Variants in TRIM24 observed in about 807,000 individuals in gnomAD.
The protein encoded by TRIM24 is tripartite motif containing 24, also known as transcription intermediary factor 1-alpha.
TRIM24 carries 29 observed loss-of-function variants against 123.9 expected under a neutral mutation model. The observed-to-expected ratio is 0.23, with a 90% CI of 0.17 to 0.32. The LOEUF is 0.32. TRIM24 is among the 10% of genes least tolerant of loss of function. The probability of loss-of-function intolerance (pLI) is 1.00; values close to 1 mark genes in which losing one functional copy is unlikely to be tolerated. For missense variants in TRIM24, 932 were observed against 1,295.3 expected (o/e 0.72, Z 4.31); for synonymous variants, 456 against 461.1 (o/e 0.99, Z 0.14).
At chr7:138,523,704 T>C (rs1054555548) in intron 4 of TRIM24, among the ~76,000 whole-genome samples, 1 of 122,272 alleles carries the variant, frequency 8.2e-6, no homozygotes, top group Non-Finnish European at 1.6e-5. Context: ...TGAGCCGAGA[T>C]GGGGCCACTG....
Position 138,544,011 on chromosome 7 carries a change from G to A in TRIM24, c.1143+5208G>A, listed in dbSNP as rs565333701. Among the ~76,000 whole-genome samples, 9 of 149,984 alleles carry A rather than the reference G, an allele frequency of 6.0e-5. No homozygotes were observed. In the South Asian group the frequency reaches 1.7e-3, roughly 28 times the overall value. ...CACCATAGTCCAGATTTTTTTTTTTGTAGAGACAAGGTCTTGTTCTGTCAC... is the reference window on the plus strand; with the variant it reads ...CACCATAGTCCAGATTTTTTTTTTTATAGAGACAAGGTCTTGTTCTGTCAC... On this transcript the variant is annotated intron_variant, in intron 7 of 18. Coordinates refer to ENST00000343526, the MANE Select transcript of TRIM24 (RefSeq NM_015905.3).
At chr7:138,472,333 A>G (rs1795290531) in intron 1 of TRIM24, among the ~76,000 whole-genome samples, 2 of 152,138 alleles carry the variant, frequency 1.3e-5, no homozygotes, top group South Asian at 2.1e-4. Flanking sequence ...GAAAGCAGAA[A>G]GGCATTGATC....
chr7:138,573,321 A>G (rs1797693602), intron 11 of TRIM24, among the ~76,000 whole-genome samples, 186 bp from the exon 12 acceptor site: 1 of 152,212 alleles, frequency 6.6e-6, no homozygotes, highest in Admixed American at 6.5e-5. Flanking sequence ...GTGAAACACT[A>G]AGATAGTGAA....
intron 1 of TRIM24, among the ~76,000 whole-genome samples, chr7:138,465,105 C>T (rs1002920429): frequency 6.6e-6 from 1 of 152,148 alleles, no homozygotes; most frequent in Non-Finnish European, 1.5e-5. Flanking sequence ...CAAATAACAG[C>T]AGAAAAGTAT....
intron 15 of TRIM24, 65 bp downstream of exon 15, chr7:138,579,597 AGCCTTTG>A: frequency 7.2e-7 from 1 of 1,394,020 alleles, no homozygotes; most frequent in African/African-American, 1.4e-5. Context: ...TTTAACAGAA[AGCCTTTG>A]AAAAAACTTA....
At chr7:138,513,871 T>G (rs1796340014) in intron 2 of TRIM24, among the ~76,000 whole-genome samples, 1 of 152,236 alleles carries the variant, frequency 6.6e-6, no homozygotes, top group African/African-American at 2.4e-5. Context: ...TTTTATAGCT[T>G]ACTGTGGAGA....
In TRIM24 at chr7:138,560,828, AG is replaced by A. The variant is rs376056361; in HGVS notation, c.1530+5863del. On this transcript the variant is annotated intron_variant, in intron 9 of 18. Transcript: ENST00000343526. ...AGAGTAATTTGGGACCTCTGGGAGG[AG>A]AGGCAAAGCTAGGGCTTCCTTTTTA... Among the ~76,000 whole-genome samples, 103 of 152,212 alleles carry A rather than the reference AG, an allele frequency of 6.8e-4. 1 individual carries two copies. In the South Asian group the frequency reaches 8.5e-3, roughly 13 times the overall value.
chr7:138,466,614 A>G (rs1045767021), intron 1 of TRIM24, among the ~76,000 whole-genome samples: 9 of 151,736 alleles, frequency 5.9e-5, no homozygotes, highest in African/African-American at 1.7e-4. Flanking sequence ...TCGTCTCCCA[A>G]AGTGCTGGGA....
chr7:138,525,282 TC>T lies in TRIM24; in HGVS notation c.807del (p.Ile270Ter). 1 of 1,517,832 alleles carries T rather than the reference TC, an allele frequency of 6.6e-7. No individual in the cohort carries two copies. Among genetic ancestry groups the T allele is most frequent in the Non-Finnish European group, 8.8e-7 (1 of 1,138,486 alleles). The allele number at this position is 1,517,832 out of a possible 1,614,324, so 94.0% of individuals were successfully genotyped here. ...GAAGCTTTTCAGAATCAGAAAGTGATCATAGATACACTAATCACCAAACTGA... is the reference window on the plus strand; with the variant it reads ...GAAGCTTTTCAGAATCAGAAAGTGATATAGATACACTAATCACCAAACTGA... ...IEEAFQNQKV[I>X]IDTLITKLME... On this transcript the variant is annotated frameshift_variant, in exon 5 of 19. Transcript: ENST00000343526. LOFTEE classifies it high-confidence loss of function.
intron 7 of TRIM24, among the ~76,000 whole-genome samples, chr7:138,541,148 A>T (rs2116613185): frequency 6.6e-6 from 1 of 152,090 alleles, no homozygotes; most frequent in East Asian, 1.9e-4. Flanking sequence ...CGCATAATGT[A>T]TTTCTTAATA....
chr7:138,508,709 GT>G (rs1275656409), intron 2 of TRIM24, among the ~76,000 whole-genome samples: 1 of 17,994 alleles, frequency 5.6e-5, no homozygotes, highest in Non-Finnish European at 1.8e-4. Context: ...GCGTGTGTGC[GT>G]GTGTGTGTGC....
intron 1 of TRIM24, among the ~76,000 whole-genome samples, chr7:138,462,626 C>T (rs929052850): frequency 6.6e-6 from 1 of 152,070 alleles, no homozygotes; most frequent in Non-Finnish European, 1.5e-5. Flanking sequence ...AGGCGTGAGC[C>T]ACCGCGCCCG....
chr7:138,461,473 G>A (rs1056458870), intron 1 of TRIM24, among the ~76,000 whole-genome samples: 1 of 152,192 alleles, frequency 6.6e-6, no homozygotes, highest in African/African-American at 2.4e-5. Context: ...TGAGTTCCCA[G>A]TTCTCTTCCC....
chr7:138,530,687 C>G (rs138850506), intron 6 of TRIM24, among the ~76,000 whole-genome samples: 1 of 151,586 alleles, frequency 6.6e-6, no homozygotes, highest in Non-Finnish European at 1.5e-5. Flanking sequence ...AGGCTGGTCT[C>G]GAACTACTGG....
At position 138,589,160 on chromosome 7, in the gene TRIM24, G is replaced by A. The variant is rs1412388228; in HGVS notation, c.*4209G>A. 6.6e-6 allele frequency: 1 copy of A among 151,994 alleles called. No individual in the cohort carries two copies. Among genetic ancestry groups the A allele is most frequent in the African/African-American group, 2.4e-5 (1 of 41,344 alleles). 9.4% of individuals were successfully genotyped at this position (151,994 alleles called of 1,614,324 possible). A position where few individuals can be genotyped will look rare whatever the true frequency, so the allele number is the denominator to read the frequency against. ...TGATGTCTTTTTATAAATGTTTATT[G>A]CATATTCATCTTGAATGTGAATTTA... On this transcript the variant is annotated 3_prime_UTR_variant, in exon 19 of 19. Transcript: ENST00000343526.
intron 1 of TRIM24, among the ~76,000 whole-genome samples, chr7:138,463,740 T>C (rs1408493934): frequency 2.0e-5 from 3 of 152,212 alleles, no homozygotes; most frequent in Non-Finnish European, 4.4e-5. Flanking sequence ...AATTACAATC[T>C]GAATATTTTT....
At chr7:138,461,166 C>T in intron 1 of TRIM24, 1 of 706,942 alleles carries the variant, frequency 1.4e-6, no homozygotes, top group East Asian at 2.8e-5. Flanking sequence ...TCCGCATTCT[C>T]AACAGCCGGG....
intron 1 of TRIM24, among the ~76,000 whole-genome samples, chr7:138,469,969 G>A (rs1795234428): frequency 6.6e-6 from 1 of 152,070 alleles, no homozygotes; most frequent in Non-Finnish European, 1.5e-5. Context: ...GAAGTGGAAT[G>A]TGGACCCCCA....
At chr7:138,575,396 G>C (rs1394144816) in intron 12 of TRIM24, among the ~76,000 whole-genome samples, 1 of 151,624 alleles carries the variant, frequency 6.6e-6, no homozygotes, top group Non-Finnish European at 1.5e-5. Flanking sequence ...GGGCTCTAGT[G>C]ATCCTCCTGC....
Sources: allele counts gnomAD v4.1 joint callset (sites outside exome capture counted in the v4.1 genomes callset), GRCh38; gene constraint gnomAD v4.1.1; transcripts MANE v1.5; gene names NCBI Gene and HGNC (gene_info 2026-07-23, HGNC 2026-07-21).